Variants in PPP2R2B observed in about 807,000 individuals in gnomAD.
PPP2R2B encodes serine/threonine-protein phosphatase 2A 55 kDa regulatory subunit B beta isoform.
A neutral mutation model predicts 46.0 loss-of-function variants in PPP2R2B; 5 were observed. The observed-to-expected ratio is 0.11, with a 90% CI of 0.06 to 0.23. PPP2R2B has a LOEUF of 0.23. Ranked by LOEUF, PPP2R2B falls within the 10% of genes least tolerant of loss-of-function variation. The pLI is 1.00. For synonymous variants in PPP2R2B, 215 were observed against 206.7 expected, an observed-to-expected ratio of 1.04 and a Z score of -0.34; for missense variants, 367 against 575.0, an observed-to-expected ratio of 0.64 and a Z score of 3.70.
intron 5 of PPP2R2B, among the ~76,000 whole-genome samples, chr5:146,672,446 A>AG (rs1217944887): frequency 6.6e-6 from 1 of 152,050 alleles, no homozygotes; most frequent in East Asian, 1.9e-4. Flanking sequence ...TCCTAGAGAA[A>AG]GGGGTAGAGT....
rs35127306 is a variant in PPP2R2B at position 146,912,238 on chromosome 5, C to CAAA, written c.79+143424_79+143426dup. 2.3e-3 allele frequency among the ~76,000 whole-genome samples: 127 copies of CAAA among 56,242 alleles called. 1 individual carries two copies. Among genetic ancestry groups the CAAA allele is most frequent in the Middle Eastern group, 0.012 (1 of 84 alleles). 36.9% of individuals were successfully genotyped at this position (56,242 alleles called of 152,430 possible). The stretch of plus-strand genomic sequence containing the variant: ...TGGGTGATAGAGTGAGGCTCCGTCT[C>CAAA]AAAAAAAAAAAAAAAAAAAAAAAGT... On this transcript the variant is annotated intron_variant, in intron 1 of 8. Transcript: ENST00000336640.
chr5:146,728,439 G>T (rs945264637), intron 2 of PPP2R2B, among the ~76,000 whole-genome samples: 1 of 152,084 alleles, frequency 6.6e-6, no homozygotes, highest in Non-Finnish European at 1.5e-5. Context: ...TGGGCTCAGA[G>T]ATTATGTTCT....
At chr5:146,649,825 G>T (rs920357887) in intron 6 of PPP2R2B, among the ~76,000 whole-genome samples, 10 of 152,038 alleles carry the variant, frequency 6.6e-5, no homozygotes, top group African/African-American at 1.7e-4. Flanking sequence ...TATGTCCTTG[G>T]GGGTAGAAAT....
chr5:146,591,673 CAAAAAA>C (rs375880724), intron 9 of PPP2R2B, among the ~76,000 whole-genome samples: 1 of 72,588 alleles, frequency 1.4e-5, no homozygotes, highest in Admixed American at 1.6e-4. Flanking sequence ...GATTATTTTC[CAAAAAA>C]AAAAAAAAAA....
At chr5:147,024,959 A>G (rs916625238) in intron 1 of PPP2R2B, among the ~76,000 whole-genome samples, 1 of 152,084 alleles carries the variant, frequency 6.6e-6, no homozygotes, top group African/African-American at 2.4e-5. Flanking sequence ...AAGGAAATAA[A>G]GATAAGAGCC....
intron 7 of PPP2R2B, among the ~76,000 whole-genome samples, chr5:146,628,473 C>A (rs1000523363): frequency 2.0e-5 from 3 of 152,194 alleles, no homozygotes; most frequent in Non-Finnish European, 2.9e-5. Context: ...ATTGGTGCTG[C>A]AGGGCAGCCC....
intron 5 of PPP2R2B, among the ~76,000 whole-genome samples, chr5:146,682,948 A>G (rs1778270185): frequency 6.6e-6 from 1 of 152,214 alleles, no homozygotes; most frequent in South Asian, 2.1e-4. Flanking sequence ...AAGGGATTTT[A>G]AAAATCAAAT....
At chr5:146,778,855 G>A (rs1177156069) in intron 2 of PPP2R2B, among the ~76,000 whole-genome samples, 1 of 152,210 alleles carries the variant, frequency 6.6e-6, no homozygotes, top group Non-Finnish European at 1.5e-5. Context: ...TGCCTAAAAT[G>A]AAGATGCTTA....
At chr5:146,639,712 G>T (rs1775068066) in intron 6 of PPP2R2B, among the ~76,000 whole-genome samples, 1 of 152,178 alleles carries the variant, frequency 6.6e-6, no homozygotes, top group Non-Finnish European at 1.5e-5. Flanking sequence ...TGCATCATCA[G>T]ATAGTACTTT....
chr5:146,753,143 C>T (rs1753651673), intron 2 of PPP2R2B, among the ~76,000 whole-genome samples: 1 of 152,148 alleles, frequency 6.6e-6, no homozygotes, highest in South Asian at 2.1e-4. Context: ...GCAGCTGCTC[C>T]ATGACAGAAC....
chr5:147,077,568 A>G (rs1338681776), intron 2 of PPP2R2B, among the ~76,000 whole-genome samples: 1 of 152,200 alleles, frequency 6.6e-6, no homozygotes, highest in African/African-American at 2.4e-5. Flanking sequence ...TTTCCTTTCA[A>G]CCAGATTTTT....
At chr5:146,691,744 C>T (rs373212675) in intron 4 of PPP2R2B, among the ~76,000 whole-genome samples, 22 of 152,264 alleles carry the variant, frequency 1.4e-4, no homozygotes, top group African/African-American at 4.6e-4. Context: ...CCCTGTCCAT[C>T]CTCTCCCTGC....
rs968283274 is a variant in PPP2R2B at position 146,580,911 on chromosome 5, A to G, written c.*9036T>C. Among the ~76,000 whole-genome samples, 6 of 152,188 alleles carry G rather than the reference A, an allele frequency of 3.9e-5. No individual in the cohort carries two copies. Among genetic ancestry groups the G allele is most frequent in the Non-Finnish European group, 8.8e-5 (6 of 68,014 alleles). On this transcript the variant is annotated 3_prime_UTR_variant, in exon 10 of 10. Transcript: ENST00000394411. ...TCAAAGTGAAGAGCTTCTTTGAGTC[A>G]TGATCCATGCCTGAAATGGTATTTC...
At chr5:146,630,914 A>G (rs557305574) in intron 7 of PPP2R2B, among the ~76,000 whole-genome samples, 1 of 152,314 alleles carries the variant, frequency 6.6e-6, no homozygotes, top group South Asian at 2.1e-4. Context: ...TAGGTGAGTA[A>G]GTTGAAGCAC....
At chr5:146,701,305 C>T (rs1185397854) in intron 2 of PPP2R2B, 163 bp from the exon 3 acceptor site, 2 of 771,524 alleles carry the variant, frequency 2.6e-6, no homozygotes, top group Non-Finnish European at 4.7e-6. Context: ...CCAGAAGTGG[C>T]ACTTGGGAAG....
At chr5:146,674,332 C>A (rs322989) in intron 5 of PPP2R2B, among the ~76,000 whole-genome samples, 4,173 of 152,188 alleles carry the variant, frequency 0.027, 189 homozygotes, top group African/African-American at 0.094. Context: ...CACTCTAAAG[C>A]CCTAGACTCT....
At chr5:147,017,992 T>C (rs1187866062) in intron 1 of PPP2R2B, among the ~76,000 whole-genome samples, 1 of 151,442 alleles carries the variant, frequency 6.6e-6, no homozygotes, top group Non-Finnish European at 1.5e-5. Context: ...ATGTAGGAAA[T>C]CTTCCAGGCC....
chr5:146,608,893 A>C (rs1051553349), intron 7 of PPP2R2B, among the ~76,000 whole-genome samples: 11 of 152,208 alleles, frequency 7.2e-5, no homozygotes, highest in Non-Finnish European at 1.3e-4. Context: ...CAACTGTTAC[A>C]AAAAAATAGA....
chr5:146,745,686 G>A (rs1753145897), intron 2 of PPP2R2B, among the ~76,000 whole-genome samples: 1 of 152,182 alleles, frequency 6.6e-6, no homozygotes, highest in Non-Finnish European at 1.5e-5. Context: ...GCCAGGTGTG[G>A]TGGTGGCTCA....
Sources: allele counts gnomAD v4.1 joint callset (sites outside exome capture counted in the v4.1 genomes callset), GRCh38; gene constraint gnomAD v4.1.1; transcripts MANE v1.5; gene names NCBI Gene and HGNC (gene_info 2026-07-23, HGNC 2026-07-21).